The following NELL1 variants were observed in gnomAD, a reference collection of about 807,000 sequenced individuals.
NELL1 encodes the protein protein kinase C-binding protein NELL1.
NELL1 carries 76 observed loss-of-function variants against 107.4 expected under a neutral mutation model. The observed-to-expected ratio is 0.71, with a 90% CI of 0.59 to 0.86. NELL1 has a LOEUF of 0.86. NELL1 is among the 40% of genes least tolerant of loss of function. The pLI is 0.00. For missense variants in NELL1, 1,024 were observed against 1,005.5 expected (o/e 1.02, Z -0.25); for synonymous variants, 353 against 341.2 (o/e 1.03, Z -0.38).
intron 7 of NELL1, among the ~76,000 whole-genome samples, chr11:20,920,882 A>G (rs1489276350): frequency 1.3e-5 from 2 of 150,386 alleles, no homozygotes; most frequent in Non-Finnish European, 2.9e-5. Flanking sequence ...AGTTGCAAAC[A>G]GCAAATTTTT....
In NELL1 at chr11:20,892,932, A is replaced by T. The variant is rs1240000979; in HGVS notation, c.603+7392A>T. ...TGACAGAGAGAGACTGTGTCTCAAA[A>T]AAAAAAAAAAAAAAACAGACACATG... On this transcript the variant is annotated intron_variant, in intron 5 of 19. Transcript: ENST00000357134. 9.9e-5 allele frequency among the ~76,000 whole-genome samples: 15 copies of T among 151,516 alleles called. No individual in the cohort carries two copies. In the South Asian group the frequency reaches 2.9e-3, roughly 29 times the overall value.
At chr11:20,793,601 C>T (rs1158547) in intron 3 of NELL1, among the ~76,000 whole-genome samples, 87,150 of 151,872 alleles carry the variant, frequency 0.57, 28,416 homozygotes, top group East Asian at 0.87. Context: ...ACTGGTAAAA[C>T]CACTGATGGT....
At chr11:21,010,850 G>A (rs1413873409) in intron 12 of NELL1, among the ~76,000 whole-genome samples, 1 of 152,074 alleles carries the variant, frequency 6.6e-6, no homozygotes, top group African/African-American at 2.4e-5. Flanking sequence ...CTTGAGCTGT[G>A]TCACCTTGTA....
At chr11:20,712,141 AT>A (rs765763838) in intron 2 of NELL1, among the ~76,000 whole-genome samples, 55 of 151,956 alleles carry the variant, frequency 3.6e-4, no homozygotes, top group Non-Finnish European at 6.2e-4. Context: ...GGCTTTGTTA[AT>A]TTTTTAAAAA....
intron 12 of NELL1, among the ~76,000 whole-genome samples, chr11:21,010,836 C>T (rs1303323063): frequency 6.6e-6 from 1 of 152,110 alleles, no homozygotes; most frequent in East Asian, 1.9e-4. Context: ...TTAGCTTCCC[C>T]AGTCTTGAGC....
intron 2 of NELL1, among the ~76,000 whole-genome samples, chr11:20,723,789 G>T (rs548149204): frequency 6.6e-6 from 1 of 152,258 alleles, no homozygotes; most frequent in Admixed American, 6.5e-5. Flanking sequence ...GAGGTTTTCC[G>T]TGAGGGCTCT....
At chr11:20,769,955 C>T (rs1049466423) in intron 2 of NELL1, among the ~76,000 whole-genome samples, 80 of 152,228 alleles carry the variant, frequency 5.3e-4, no homozygotes, top group African/African-American at 1.9e-3. Flanking sequence ...TGCGTGGGAG[C>T]CTACCAGCAT....
intron 2 of NELL1, among the ~76,000 whole-genome samples, chr11:20,701,078 C>T (rs1020311122): frequency 1.3e-5 from 2 of 152,154 alleles, no homozygotes; most frequent in African/African-American, 4.8e-5. Flanking sequence ...CTTGAGGAAT[C>T]GCCACACTGT....
chr11:21,437,827 T>G (rs1367271200), intron 15 of NELL1, among the ~76,000 whole-genome samples: 1 of 152,222 alleles, frequency 6.6e-6, no homozygotes, highest in Non-Finnish European at 1.5e-5. Flanking sequence ...CATATTTGGG[T>G]CTTTTTTTAA....
intron 2 of NELL1, among the ~76,000 whole-genome samples, chr11:20,739,992 G>T (rs1343606902): frequency 6.6e-6 from 1 of 152,136 alleles, no homozygotes; most frequent in Non-Finnish European, 1.5e-5. Context: ...AATATTTATT[G>T]AGTCACTGCC....
chr11:21,273,065 C>T (rs939084707), intron 14 of NELL1, among the ~76,000 whole-genome samples: 6 of 152,200 alleles, frequency 3.9e-5, no homozygotes, highest in South Asian at 2.1e-4. Flanking sequence ...ATGACTTTGA[C>T]GAGTTGAGAG....
At chr11:21,307,340 G>A (rs1043503637) in intron 14 of NELL1, among the ~76,000 whole-genome samples, 1 of 151,862 alleles carries the variant, frequency 6.6e-6, no homozygotes, top group African/African-American at 2.4e-5. Context: ...GTTTGTGTGT[G>A]TGTGTGTATG....
At chr11:21,420,067 C>T (rs190788588) in intron 15 of NELL1, among the ~76,000 whole-genome samples, 13 of 151,722 alleles carry the variant, frequency 8.6e-5, no homozygotes, top group Admixed American at 1.3e-4. Context: ...TGTGTGTGTA[C>T]GTGTGTTTGA....
At chr11:21,386,698 T>C (rs768004014) in intron 15 of NELL1, among the ~76,000 whole-genome samples, 1 of 151,932 alleles carries the variant, frequency 6.6e-6, no homozygotes, top group Non-Finnish European at 1.5e-5. Context: ...CTGACATTTT[T>C]CCAGATGCTT....
At chr11:20,733,852 AG>A (rs568711740) in intron 2 of NELL1, among the ~76,000 whole-genome samples, 105 of 152,368 alleles carry the variant, frequency 6.9e-4, no homozygotes, top group Admixed American at 2.1e-3. Flanking sequence ...TAACAAGAAA[AG>A]GGACAGTCTT....
intron 12 of NELL1, among the ~76,000 whole-genome samples, chr11:21,101,281 T>TA (rs1854803388): frequency 1.3e-5 from 2 of 152,190 alleles, no homozygotes; most frequent in Admixed American, 6.5e-5. Context: ...CTATTGTGAA[T>TA]AGTACCGCAA....
chr11:21,447,994 A>T (rs1166286220), intron 15 of NELL1, among the ~76,000 whole-genome samples: 1 of 152,190 alleles, frequency 6.6e-6, no homozygotes, highest in African/African-American at 2.4e-5. Context: ...TGTTGGCAGC[A>T]CTGAATTCTC....
intron 2 of NELL1, among the ~76,000 whole-genome samples, chr11:20,751,460 GCA>G: frequency 1.3e-5 from 2 of 151,946 alleles, no homozygotes; most frequent in South Asian, 4.2e-4. Flanking sequence ...TAGAGATGTT[GCA>G]CATTTTCTGT....
intron 14 of NELL1, among the ~76,000 whole-genome samples, chr11:21,285,629 C>G (rs2133952946): frequency 6.6e-6 from 1 of 152,234 alleles, no homozygotes; most frequent in Non-Finnish European, 1.5e-5. Context: ...TGAATTCTTC[C>G]AGCTGGACTC....
Sources: allele counts gnomAD v4.1 joint callset (sites outside exome capture counted in the v4.1 genomes callset), GRCh38; gene constraint gnomAD v4.1.1; transcripts MANE v1.5; gene names NCBI Gene and HGNC (gene_info 2026-07-23, HGNC 2026-07-21).